SEMA5A: variants seen among roughly 807,000 people sequenced by gnomAD.
SEMA5A encodes the protein semaphorin-5A.
SEMA5A carries 55 observed loss-of-function variants against 135.5 expected under a neutral mutation model. That is an observed-to-expected ratio of 0.41 (90% confidence interval 0.33 to 0.51). The LOEUF (loss-of-function observed/expected upper bound fraction) is 0.51. SEMA5A is among the 20% of genes least tolerant of loss of function. SEMA5A has a pLI of 0.37. For missense variants in SEMA5A, 1,290 were observed against 1,419.9 expected, an observed-to-expected ratio of 0.91 and a Z score of 1.47; for synonymous variants, 580 against 546.5, an observed-to-expected ratio of 1.06 and a Z score of -0.85.
intron 3 of SEMA5A, among the ~76,000 whole-genome samples, chr5:9,341,280 A>G (rs1753642003): frequency 6.6e-6 from 1 of 152,146 alleles, no homozygotes. Context: ...AGGATGGCTC[A>G]GCAAGCTTAG....
At chr5:9,455,092 T>C (rs1328119092) in intron 1 of SEMA5A, among the ~76,000 whole-genome samples, 1 of 152,096 alleles carries the variant, frequency 6.6e-6, no homozygotes, top group Non-Finnish European at 1.5e-5. Context: ...ACAAATAGGA[T>C]TCAGGTACCA....
intron 1 of SEMA5A, among the ~76,000 whole-genome samples, chr5:9,528,913 G>C (rs1407977666): frequency 6.6e-6 from 1 of 151,840 alleles, no homozygotes; most frequent in Non-Finnish European, 1.5e-5. Context: ...TGGGAGCCAC[G>C]AGTCTCTAGA....
chr5:9,499,994 A>C (rs1735498063), intron 1 of SEMA5A, among the ~76,000 whole-genome samples: 1 of 152,228 alleles, frequency 6.6e-6, no homozygotes, highest in Non-Finnish European at 1.5e-5. Flanking sequence ...GAAAACAATA[A>C]GAAAATATAT....
At chr5:9,407,992 G>C (rs535977142) in intron 2 of SEMA5A, among the ~76,000 whole-genome samples, 19 of 83,646 alleles carry the variant, frequency 2.3e-4, no homozygotes, top group African/African-American at 1.0e-3. Flanking sequence ...CACTACTACT[G>C]CCATCATCAC....
chr5:9,289,760 T>C (rs552048478), intron 5 of SEMA5A, among the ~76,000 whole-genome samples: 2 of 152,332 alleles, frequency 1.3e-5, no homozygotes, highest in East Asian at 1.9e-4. Context: ...AGACAATGTT[T>C]TTTGTTGAAA....
At chr5:9,171,546 C>G (rs761546738) in intron 11 of SEMA5A, among the ~76,000 whole-genome samples, 1 of 152,200 alleles carries the variant, frequency 6.6e-6, no homozygotes, top group Non-Finnish European at 1.5e-5. Flanking sequence ...GGGCCCCCAG[C>G]TCTCCAGCTT....
At chr5:9,231,487 A>C (rs1310422988) in intron 6 of SEMA5A, among the ~76,000 whole-genome samples, 3 of 151,758 alleles carry the variant, frequency 2.0e-5, no homozygotes, top group Non-Finnish European at 4.4e-5. Flanking sequence ...AAAAAAAAAA[A>C]AAAAAATGGA....
chr5:9,346,977 C>T (rs1336655137), intron 3 of SEMA5A, among the ~76,000 whole-genome samples: 1 of 151,244 alleles, frequency 6.6e-6, no homozygotes, highest in Admixed American at 6.6e-5. Context: ...ACTTAATAGA[C>T]TACAGTAGAA....
At chr5:9,317,173 T>C (rs1275840942) in intron 5 of SEMA5A, among the ~76,000 whole-genome samples, 4 of 152,192 alleles carry the variant, frequency 2.6e-5, no homozygotes, top group Admixed American at 1.3e-4. Context: ...AAGACTCCAG[T>C]TATGTACTAA....
At chr5:9,243,652 G>A (rs900198256) in intron 5 of SEMA5A, among the ~76,000 whole-genome samples, 2 of 152,138 alleles carry the variant, frequency 1.3e-5, no homozygotes, top group African/African-American at 4.8e-5. Flanking sequence ...GCTAGCTACA[G>A]TGCTAAATGC....
At chr5:9,416,669 G>T (rs1330973883) in intron 2 of SEMA5A, among the ~76,000 whole-genome samples, 1 of 152,132 alleles carries the variant, frequency 6.6e-6, no homozygotes, top group Non-Finnish European at 1.5e-5. Context: ...TTATGAATTT[G>T]CCCCTGCTTT....
intron 5 of SEMA5A, among the ~76,000 whole-genome samples, chr5:9,295,545 AAGG>A (rs895684660): frequency 1.3e-5 from 2 of 151,878 alleles, no homozygotes; most frequent in Non-Finnish European, 2.9e-5. Flanking sequence ...AGTGATGGGG[AAGG>A]AGGAGGAGGA....
At chr5:9,358,710 G>T (rs1197943958) in intron 3 of SEMA5A, among the ~76,000 whole-genome samples, 1 of 152,210 alleles carries the variant, frequency 6.6e-6, no homozygotes, top group East Asian at 1.9e-4. Flanking sequence ...ATTGATGAAT[G>T]AATGAACATA....
intron 12 of SEMA5A, among the ~76,000 whole-genome samples, chr5:9,144,913 G>T (rs1468683556): frequency 6.6e-6 from 1 of 152,138 alleles, no homozygotes; most frequent in East Asian, 1.9e-4. Context: ...TTTGAAGGCA[G>T]AGCAGCAAAT....
chr5:9,430,011 C>T (rs1056502583), intron 2 of SEMA5A, among the ~76,000 whole-genome samples: 2 of 152,116 alleles, frequency 1.3e-5, no homozygotes, highest in South Asian at 4.2e-4. Context: ...TGAGAACTCA[C>T]GGGGACCAAG....
In SEMA5A at chr5:9,044,475, G is replaced by T. The variant is rs147519596; in HGVS notation, c.3003C>A (p.His1001Gln). The T allele has an allele frequency of 1.4e-5, 23 of 1,613,866 alleles. No homozygotes were observed. The highest frequency in any genetic ancestry group is 1.9e-5 in the Non-Finnish European group (22 of 1,180,004). Reference protein sequence around the residue: ...TYCQRYQQQSHDATVIHPVSP... With the variant: ...TYCQRYQQQSQDATVIHPVSP... ...AGACGGGGTGGATGACAGTCGCATC[G>T]TGGGATTGCTGCTGGTACCGCTGGC... Residue 1001 changes from histidine (H) to glutamine (Q), a missense_variant, in exon 22 of 23, where the codon CAC becomes CAA. Transcript: ENST00000382496.
intron 1 of SEMA5A, among the ~76,000 whole-genome samples, chr5:9,488,075 A>G (rs1294018122): frequency 2.6e-5 from 4 of 152,156 alleles, no homozygotes; most frequent in Admixed American, 6.5e-5. Context: ...AGCTGACCTC[A>G]TCATTTCACC....
intron 3 of SEMA5A, among the ~76,000 whole-genome samples, chr5:9,355,523 G>T (rs1373456230): frequency 6.6e-6 from 1 of 152,204 alleles, no homozygotes; most frequent in Non-Finnish European, 1.5e-5. Context: ...TCTATGGGGT[G>T]ATTTCTGAGA....
At chr5:9,148,727 G>A (rs1742473911) in intron 12 of SEMA5A, among the ~76,000 whole-genome samples, 1 of 152,078 alleles carries the variant, frequency 6.6e-6, no homozygotes, top group Non-Finnish European at 1.5e-5. Context: ...GTTTTGTTTT[G>A]TTTTGGTTTT....
Sources: gnomAD v4.1 joint callset for allele counts (sites outside exome capture counted in the v4.1 genomes callset) on GRCh38, gnomAD v4.1.1 for gene constraint, MANE v1.5 for transcripts, NCBI Gene and HGNC (gene_info 2026-07-23, HGNC 2026-07-21) for gene names.